The following CTNNA1 variants were observed in gnomAD, a reference collection of about 807,000 sequenced individuals.
The protein encoded by CTNNA1 is catenin alpha-1.
CTNNA1 carries 37 observed loss-of-function variants against 98.4 expected under a neutral mutation model. The observed-to-expected ratio is 0.38, with a 90% CI of 0.29 to 0.49. CTNNA1 has a LOEUF of 0.49. Ranked by LOEUF, CTNNA1 falls within the 20% of genes least tolerant of loss-of-function variation. The probability of loss-of-function intolerance (pLI) is 0.95; values close to 1 mark genes in which losing one functional copy is unlikely to be tolerated. For missense variants in CTNNA1, 761 were observed against 1,147.2 expected (o/e 0.66, Z 4.86); for synonymous variants, 404 against 413.2 (o/e 0.98, Z 0.27).
At chr5:138,796,814 C>G (rs1018746517) in intron 3 of CTNNA1, among the ~76,000 whole-genome samples, 2 of 152,120 alleles carry the variant, frequency 1.3e-5, no homozygotes, top group African/African-American at 4.8e-5. Context: ...TTTGCAGAAG[C>G]ATATTCAGGT....
intron 7 of CTNNA1, chr5:138,875,820 A>G: frequency 5.2e-6 from 4 of 767,604 alleles, no homozygotes; most frequent in Non-Finnish European, 6.3e-6. Flanking sequence ...TATGACTATG[A>G]TTTGCTTTAG....
chr5:138,852,786 C>T (rs1763320579), intron 7 of CTNNA1, among the ~76,000 whole-genome samples: 1 of 151,994 alleles, frequency 6.6e-6, no homozygotes, highest in African/African-American at 2.4e-5. Flanking sequence ...TCCTAAGAAC[C>T]AGTGTTACCA....
chr5:138,892,361 A>G (rs1418320214), intron 9 of CTNNA1, among the ~76,000 whole-genome samples: 1 of 93,540 alleles, frequency 1.1e-5, no homozygotes, highest in African/African-American at 4.6e-5. Context: ...TTTTTTTGAG[A>G]CAGAGTCTTG....
At chr5:138,918,145 G>C (rs1169212038) in intron 11 of CTNNA1, among the ~76,000 whole-genome samples, 1 of 152,122 alleles carries the variant, frequency 6.6e-6, no homozygotes, top group Non-Finnish European at 1.5e-5. Context: ...TGAATCCTAG[G>C]AGCATGAATT....
chr5:138,874,905 T>G lies in CTNNA1; in HGVS notation c.1063-11307T>G. ...TACAAGACATATAAATGCACAGACT[T>G]ACCCATTCTTCTGAGCACATTGGAG... On this transcript the variant is annotated intron_variant, in intron 7 of 17. Transcript: ENST00000302763. The surrounding 1 kb of genome is among the most constrained non-coding windows in gnomAD (Gnocchi z 4.1). The G allele has an allele frequency of 6.2e-7, 1 of 1,613,284 alleles. No individual in the cohort carries two copies. The highest frequency in any genetic ancestry group is 1.1e-5 in the South Asian group (1 of 91,008).
intron 10 of CTNNA1, among the ~76,000 whole-genome samples, chr5:138,908,063 C>T (rs145709713): frequency 9.2e-5 from 14 of 152,056 alleles, no homozygotes; most frequent in Admixed American, 3.9e-4. Flanking sequence ...CTGCAACCTC[C>T]GCCTCCAGGG....
At chr5:138,796,266 G>GT (rs1488590743) in intron 3 of CTNNA1, among the ~76,000 whole-genome samples, 19 of 152,320 alleles carry the variant, frequency 1.2e-4, no homozygotes, top group Non-Finnish European at 1.9e-4. Context: ...TTGTTAAGAA[G>GT]TATGTATCGG....
Position 138,872,688 on chromosome 5 carries a change from A to T in CTNNA1, c.1063-13524A>T, listed in dbSNP as rs1164211903. On this transcript the variant is annotated intron_variant, in intron 7 of 17. Transcript: ENST00000302763. Reference sequence around the variant, plus strand: ...AATAGCTTCTTTCTAAATTGTTTTCAGTAGAAAAAAATAGTATATGGAGAC... The same window carrying T: ...AATAGCTTCTTTCTAAATTGTTTTCTGTAGAAAAAAATAGTATATGGAGAC... The T allele has an allele frequency of 2.6e-5, 5 of 192,662 alleles. No individual in the cohort carries two copies. The East Asian group carries it at 6.4e-4, about 25-fold the overall frequency. 11.9% of individuals were successfully genotyped at this position (192,662 alleles called of 1,614,324 possible). A position where few individuals can be genotyped will look rare whatever the true frequency, so the allele number is the denominator to read the frequency against.
chr5:138,916,667 T>TGA (rs1761854822), intron 10 of CTNNA1, among the ~76,000 whole-genome samples: 1 of 152,060 alleles, frequency 6.6e-6, no homozygotes, highest in Non-Finnish European at 1.5e-5. Flanking sequence ...GGACTACAGG[T>TGA]GTGTGCCACC....
chr5:138,872,297 T>C (rs1179692746), intron 7 of CTNNA1: 2 of 152,694 alleles, frequency 1.3e-5, no homozygotes, highest in Admixed American at 6.5e-5. Context: ...GTTGGTGTAA[T>C]TATTTAGGAT....
intron 7 of CTNNA1, among the ~76,000 whole-genome samples, chr5:138,859,205 T>G (rs1429356094): frequency 6.6e-6 from 1 of 152,252 alleles, no homozygotes; most frequent in Non-Finnish European, 1.5e-5. Flanking sequence ...TTCCTATTTG[T>G]TTTCCAATAG....
rs1035731138 is a variant in CTNNA1, at chr5:138,812,052, G to T, written c.469-131G>T. The T allele has an allele frequency of 2.0e-5, 14 of 711,494 alleles. No homozygotes were observed. In the South Asian group the frequency reaches 2.6e-4, roughly 13 times the overall value. 44.1% of individuals were successfully genotyped at this position (711,494 alleles called of 1,614,324 possible). ...CTGTTTAAATGTTAGAAGACCATGCGCAAACTCGAGAGCTAAGTTTGGGTT... is the reference window on the plus strand; with the variant it reads ...CTGTTTAAATGTTAGAAGACCATGCTCAAACTCGAGAGCTAAGTTTGGGTT... On this transcript the variant is annotated intron_variant, in intron 4 of 17. Coordinates refer to ENST00000302763, the MANE Select transcript of CTNNA1 (RefSeq NM_001903.5).
intron 4 of CTNNA1, among the ~76,000 whole-genome samples, chr5:138,810,746 C>A (rs1001768088): frequency 6.6e-6 from 1 of 152,244 alleles, no homozygotes; most frequent in Non-Finnish European, 1.5e-5. Flanking sequence ...ACCTTTCCCC[C>A]CTTTCTATTC....
chr5:138,825,529 TAA>T (rs66958270), intron 6 of CTNNA1, among the ~76,000 whole-genome samples: 1,250 of 116,854 alleles, frequency 0.011, 20 homozygotes, highest in African/African-American at 0.039. Context: ...TGGGGCTAAT[TAA>T]AAAAAAAAAA....
chr5:138,784,312 A>G (rs998397989), intron 3 of CTNNA1, among the ~76,000 whole-genome samples: 1 of 152,172 alleles, frequency 6.6e-6, no homozygotes, highest in Non-Finnish European at 1.5e-5. Context: ...GAGCCCTGCT[A>G]TTTACAGGTG....
chr5:138,816,150 C>T (rs1759413491), intron 5 of CTNNA1, among the ~76,000 whole-genome samples: 1 of 152,214 alleles, frequency 6.6e-6, no homozygotes, highest in South Asian at 2.1e-4. Flanking sequence ...ATTTATCTTC[C>T]TGTGCCTGGC....
intron 11 of CTNNA1, among the ~76,000 whole-genome samples, chr5:138,921,544 A>G (rs1056196617): frequency 5.3e-5 from 8 of 151,558 alleles, no homozygotes; most frequent in Non-Finnish European, 8.8e-5. Flanking sequence ...GAAATGCTAA[A>G]CTATAGACAG....
At chr5:138,790,573 T>G (rs1295875399) in intron 3 of CTNNA1, among the ~76,000 whole-genome samples, 1 of 152,226 alleles carries the variant, frequency 6.6e-6, no homozygotes, top group Non-Finnish European at 1.5e-5. Flanking sequence ...GTTATTTTTC[T>G]TTTTAATTGG....
rs1278680160 is a variant in CTNNA1, at chr5:138,934,296, G to GTAT, written c.*209_*211dup. 7.5e-6 allele frequency: 4 copies of GTAT among 531,414 alleles called. No homozygotes were observed. Among genetic ancestry groups the GTAT allele is most frequent in the East Asian group, 3.1e-5 (1 of 32,596 alleles). 32.9% of individuals were successfully genotyped at this position (531,414 alleles called of 1,614,324 possible). On this transcript the variant is annotated 3_prime_UTR_variant, in exon 18 of 18. Coordinates refer to ENST00000302763, the MANE Select transcript of CTNNA1 (RefSeq NM_001903.5). ...AGAATGCAGGAGCCTACTTCTAGCT[G>GTAT]TATTTTTTGTATGCTTAAATAAAAA...
Sources: gnomAD v4.1 joint callset for allele counts (sites outside exome capture counted in the v4.1 genomes callset) on GRCh38, gnomAD v4.1.1 for gene constraint, Gnocchi (gnomAD v3.1) non-coding constraint, MANE v1.5 for transcripts, NCBI Gene and HGNC (gene_info 2026-07-23, HGNC 2026-07-21) for gene names.